The following PTCHD4 variants were observed in gnomAD, a reference collection of about 807,000 sequenced individuals.
PTCHD4 encodes the protein patched domain containing 4.
In PTCHD4, 33 loss-of-function variants were observed where a neutral mutation model predicts 58.1. That is an observed-to-expected ratio of 0.57 (90% CI 0.43 to 0.76). The LOEUF is 0.76. Ranked by LOEUF, PTCHD4 falls within the 30% of genes least tolerant of loss-of-function variation. The pLI, the probability that PTCHD4 is intolerant of heterozygous loss-of-function variation, is 0.00. For synonymous variants in PTCHD4, 478 were observed against 409.6 expected, an observed-to-expected ratio of 1.17 and a Z score of -2.02; for missense variants, 1,058 against 1,027.1, an observed-to-expected ratio of 1.03 and a Z score of -0.41.
At chr6:47,967,640 A>G (rs917054972) in intron 4 of PTCHD4, among the ~76,000 whole-genome samples, 1 of 152,210 alleles carries the variant, frequency 6.6e-6, no homozygotes, top group Admixed American at 6.5e-5. Flanking sequence ...ACATCATATT[A>G]GCCAGATTTT....
At chr6:47,905,666 T>C (rs1764857108) in intron 4 of PTCHD4, among the ~76,000 whole-genome samples, 1 of 152,194 alleles carries the variant, frequency 6.6e-6, no homozygotes, top group Non-Finnish European at 1.5e-5. Flanking sequence ...GAAATGTAGT[T>C]ATTACTGTAT....
At position 47,858,876 on chromosome 6, in the gene PTCHD4, T is replaced by C. The variant is rs578210053; in HGVS notation, c.*19427A>G. 6.6e-6 allele frequency among the ~76,000 whole-genome samples: 1 copy of C among 152,200 alleles called. No homozygotes were observed. Among genetic ancestry groups the C allele is most frequent in the Non-Finnish European group, 1.5e-5 (1 of 67,980 alleles). On this transcript the variant is annotated 3_prime_UTR_variant, in exon 5 of 5. Transcript: ENST00000339488. ...ATAATCCTTCTTGAATCTATGAATT[T>C]AAACTACCCCATTTCTCCTTAATTC...
At chr6:48,106,580 T>C (rs1393369232) in intron 1 of PTCHD4, among the ~76,000 whole-genome samples, 3 of 152,102 alleles carry the variant, frequency 2.0e-5, no homozygotes, top group African/African-American at 7.2e-5. Flanking sequence ...CTATTCAATA[T>C]AGTGTTGGAA....
intron 4 of PTCHD4, among the ~76,000 whole-genome samples, chr6:47,968,011 A>G (rs911110678): frequency 2.0e-5 from 3 of 152,030 alleles, no homozygotes; most frequent in African/African-American, 7.2e-5. Flanking sequence ...TGCATTTACA[A>G]CTTGGCTAGC....
At position 48,035,701 on chromosome 6, in the gene PTCHD4, A is replaced by C. The variant is rs114226625; in HGVS notation, c.418-26587T>G. On this transcript the variant is annotated intron_variant, in intron 3 of 4. Transcript: ENST00000339488. ...AATCCTTTATTCTCAGTATCTGATC[A>C]CTTTCAATATCTGATCAGGTTCCTC... 7.3e-3 allele frequency among the ~76,000 whole-genome samples: 1,104 copies of C among 152,200 alleles called. 16 individuals carry two copies. The highest frequency in any genetic ancestry group is 0.024 in the African/African-American group (977 of 41,552).
intron 3 of PTCHD4, among the ~76,000 whole-genome samples, chr6:48,011,415 T>C (rs991946899): frequency 1.3e-4 from 18 of 143,804 alleles, no homozygotes; most frequent in Non-Finnish European, 2.7e-4. Context: ...TTGCCCACCT[T>C]TTGATGTTTT....
chr6:47,938,831 G>A (rs1766106942), intron 4 of PTCHD4, among the ~76,000 whole-genome samples: 1 of 152,134 alleles, frequency 6.6e-6, no homozygotes, highest in Non-Finnish European at 1.5e-5. Flanking sequence ...CTTTCCAAGG[G>A]AGTGATTATA....
At chr6:48,047,654 G>A (rs1764083741) in intron 3 of PTCHD4, among the ~76,000 whole-genome samples, 1 of 151,766 alleles carries the variant, frequency 6.6e-6, no homozygotes, top group Admixed American at 6.6e-5. Flanking sequence ...GGGCCTTTGG[G>A]AAGTGACTAG....
intron 1 of PTCHD4, among the ~76,000 whole-genome samples, chr6:48,093,319 T>C (rs942829256): frequency 2.0e-5 from 3 of 152,142 alleles, no homozygotes; most frequent in Non-Finnish European, 4.4e-5. Flanking sequence ...GTTCTCTTTT[T>C]AAAAATGTGA....
chr6:47,959,922 G>A (rs1221206701), intron 4 of PTCHD4, among the ~76,000 whole-genome samples: 3 of 151,244 alleles, frequency 2.0e-5, no homozygotes, highest in South Asian at 2.1e-4. Context: ...GAATACAAAT[G>A]TTATAAGCAA....
At chr6:47,912,758 A>AGTT (rs1337474425) in intron 4 of PTCHD4, among the ~76,000 whole-genome samples, 1 of 152,164 alleles carries the variant, frequency 6.6e-6, no homozygotes, top group African/African-American at 2.4e-5. Context: ...ATTGAACTAT[A>AGTT]CATTAAAAAA....
At position 47,878,235 on chromosome 6, in the gene PTCHD4, T is replaced by G; in HGVS notation, c.*68A>C. The stretch of plus-strand genomic sequence containing the variant: ...CTGGCCAGCCCAAGCAGCTGAGGTC[T>G]GAGCTTTACTTGCCCTGCATCATTG... On this transcript the variant is annotated 3_prime_UTR_variant, in exon 5 of 5. Transcript: ENST00000339488. 4 of 1,432,912 alleles carry G rather than the reference T, an allele frequency of 2.8e-6. No homozygotes were observed. Among genetic ancestry groups the G allele is most frequent in the Non-Finnish European group, 3.8e-6 (4 of 1,057,818 alleles). 88.8% of individuals were successfully genotyped at this position (1,432,912 alleles called of 1,614,324 possible).
chr6:47,901,519 G>A, intron 4 of PTCHD4: 5 of 989,042 alleles, frequency 5.1e-6, no homozygotes, highest in Non-Finnish European at 6.0e-6. Context: ...GTACCTATAT[G>A]ATTGGAATCA....
At chr6:48,097,912 C>T (rs1765507837) in intron 1 of PTCHD4, among the ~76,000 whole-genome samples, 1 of 152,126 alleles carries the variant, frequency 6.6e-6, no homozygotes, top group African/African-American at 2.4e-5. Flanking sequence ...TGAGAGGGTA[C>T]AGGTGTCCCT....
In PTCHD4 at chr6:47,866,838, A is replaced by T. The variant is rs1292366244; in HGVS notation, c.*11465T>A. Among the ~76,000 whole-genome samples, 1 of 151,886 alleles carries T rather than the reference A, an allele frequency of 6.6e-6. No individual in the cohort carries two copies. Among genetic ancestry groups the T allele is most frequent in the Non-Finnish European group, 1.5e-5 (1 of 67,892 alleles). ...TCTTCAAAGAAAGCATCAGTGAATC[A>T]TAAGGAAGTGAATTTAAAAAATAGT... On this transcript the variant is annotated 3_prime_UTR_variant, in exon 5 of 5. Coordinates refer to ENST00000339488, the MANE Select transcript of PTCHD4 (RefSeq NM_001384253.1).
chr6:47,945,335 A>G (rs999338417), intron 4 of PTCHD4, among the ~76,000 whole-genome samples: 2 of 152,114 alleles, frequency 1.3e-5, no homozygotes, highest in African/African-American at 2.4e-5. Flanking sequence ...GGCATGTATA[A>G]CATACTTGTT....
At chr6:47,888,180 AC>A (rs1764253443) in intron 4 of PTCHD4, among the ~76,000 whole-genome samples, 1 of 146,532 alleles carries the variant, frequency 6.8e-6, no homozygotes, top group East Asian at 2.1e-4. Flanking sequence ...ACATGGTGAA[AC>A]CCCGTCTCTA....
intron 4 of PTCHD4, among the ~76,000 whole-genome samples, chr6:47,942,754 C>A (rs1230568403): frequency 6.6e-6 from 1 of 152,202 alleles, no homozygotes; most frequent in Admixed American, 6.5e-5. Flanking sequence ...ATGAGGTACA[C>A]TTTTTGTTCT....
At chr6:48,099,959 C>T (rs900045980) in intron 1 of PTCHD4, among the ~76,000 whole-genome samples, 8 of 152,168 alleles carry the variant, frequency 5.3e-5, no homozygotes, top group Admixed American at 1.3e-4. Context: ...AAACTGAACA[C>T]CACATGCTGG....
Sources: gnomAD v4.1 joint callset for allele counts (sites outside exome capture counted in the v4.1 genomes callset) on GRCh38, gnomAD v4.1.1 for gene constraint, MANE v1.5 for transcripts, NCBI Gene and HGNC (gene_info 2026-07-23, HGNC 2026-07-21) for gene names.